Variants in CDH12 observed in about 807,000 individuals in gnomAD.
The protein encoded by CDH12 is cadherin 12.
Under a neutral mutation model 74.1 loss-of-function variants are expected in CDH12, and 41 were observed. The observed-to-expected ratio is 0.55, with a 90% CI of 0.43 to 0.72. The LOEUF (loss-of-function observed/expected upper bound fraction) is 0.72. Ranked by LOEUF, CDH12 falls within the 30% of genes least tolerant of loss-of-function variation. CDH12 has a pLI of 0.00. For missense variants in CDH12, 945 were observed against 977.2 expected, an observed-to-expected ratio of 0.97 and a Z score of 0.44; for synonymous variants, 399 against 355.0, an observed-to-expected ratio of 1.12 and a Z score of -1.39.
chr5:21,830,521 T>G (rs1437056639), intron 8 of CDH12, among the ~76,000 whole-genome samples: 2 of 152,084 alleles, frequency 1.3e-5, no homozygotes, highest in Non-Finnish European at 2.9e-5. Context: ...TATGAGTAAT[T>G]AATTTGGGGC....
At chr5:22,132,987 G>A (rs1440668096) in intron 4 of CDH12, among the ~76,000 whole-genome samples, 4 of 151,964 alleles carry the variant, frequency 2.6e-5, no homozygotes, top group East Asian at 1.9e-4. Flanking sequence ...ATTATTTCCC[G>A]AAAATAATTT....
intron 1 of CDH12, among the ~76,000 whole-genome samples, chr5:22,661,126 A>G (rs905251855): frequency 6.6e-6 from 1 of 152,186 alleles, no homozygotes; most frequent in Non-Finnish European, 1.5e-5. Flanking sequence ...AAGAAACCTT[A>G]TTTATACAAA....
intron 1 of CDH12, among the ~76,000 whole-genome samples, chr5:22,527,881 G>A (rs1376585913): frequency 6.6e-6 from 1 of 152,060 alleles, no homozygotes; most frequent in Non-Finnish European, 1.5e-5. Context: ...TCCCTGAACT[G>A]CAACACTAAA....
At chr5:21,909,160 A>G (rs1561291272) in intron 6 of CDH12, among the ~76,000 whole-genome samples, 1 of 152,184 alleles carries the variant, frequency 6.6e-6, no homozygotes. Context: ...CCTTTATGCC[A>G]TGATTCCAAT....
intron 3 of CDH12, among the ~76,000 whole-genome samples, chr5:22,244,485 A>G (rs1752847989): frequency 9.7e-6 from 1 of 102,776 alleles, no homozygotes; most frequent in African/African-American, 3.8e-5. Context: ...ACAGAACAAG[A>G]CTCTGCCTCA....
At chr5:22,085,921 G>A (rs1040684812) in intron 4 of CDH12, among the ~76,000 whole-genome samples, 19 of 152,092 alleles carry the variant, frequency 1.2e-4, no homozygotes, top group African/African-American at 3.9e-4. Flanking sequence ...TGACTCCCAG[G>A]AAAATTATTT....
chr5:21,921,758 A>G (rs148107343), intron 6 of CDH12, among the ~76,000 whole-genome samples: 16 of 152,302 alleles, frequency 1.1e-4, no homozygotes, highest in Non-Finnish European at 2.2e-4. Flanking sequence ...TGTGCATTCT[A>G]CTGACTTGAA....
intron 6 of CDH12, among the ~76,000 whole-genome samples, chr5:21,938,897 G>GA (rs1755200689): frequency 6.6e-6 from 1 of 150,602 alleles, no homozygotes; most frequent in African/African-American, 2.4e-5. Flanking sequence ...CAACCCAATT[G>GA]AAAATGCATG....
At chr5:22,170,029 G>T (rs1233114025) in intron 4 of CDH12, among the ~76,000 whole-genome samples, 1 of 151,664 alleles carries the variant, frequency 6.6e-6, no homozygotes, top group Non-Finnish European at 1.5e-5. Flanking sequence ...AATTTTATTT[G>T]CCATTACAAT....
chr5:22,513,526 G>C (rs571428595), intron 1 of CDH12, among the ~76,000 whole-genome samples: 1 of 152,132 alleles, frequency 6.6e-6, no homozygotes, highest in African/African-American at 2.4e-5. Context: ...TATCTTCTAC[G>C]TATCAAAGAA....
chr5:22,495,288 C>G (rs1747060681), intron 2 of CDH12, among the ~76,000 whole-genome samples: 1 of 152,170 alleles, frequency 6.6e-6, no homozygotes, highest in Admixed American at 6.5e-5. Flanking sequence ...GATCCTACCA[C>G]TCTTCACAGA....
intron 6 of CDH12, among the ~76,000 whole-genome samples, chr5:21,907,223 A>T (rs1753680781): frequency 6.6e-6 from 1 of 152,166 alleles, no homozygotes; most frequent in Non-Finnish European, 1.5e-5. Context: ...GGTTTAAAAA[A>T]TACGCCCAAA....
chr5:22,030,119 G>A (rs4376236), intron 5 of CDH12, among the ~76,000 whole-genome samples: 1 of 141,970 alleles, frequency 7.0e-6, no homozygotes, highest in Admixed American at 7.2e-5. Flanking sequence ...GTTGTGGGGT[G>A]GGGGGGAGGG....
intron 3 of CDH12, among the ~76,000 whole-genome samples, chr5:22,213,179 T>C (rs569261779): frequency 6.6e-6 from 1 of 152,180 alleles, no homozygotes; most frequent in East Asian, 1.9e-4. Context: ...TCAACCTTTG[T>C]CGAACTAAAA....
intron 3 of CDH12, among the ~76,000 whole-genome samples, chr5:22,255,014 A>T (rs1265972479): frequency 1.3e-5 from 2 of 151,838 alleles, no homozygotes; most frequent in Admixed American, 6.6e-5. Context: ...GTACCCATTA[A>T]TTCTTTCCTC....
At chr5:22,124,776 A>C (rs1745748632) in intron 4 of CDH12, among the ~76,000 whole-genome samples, 1 of 151,712 alleles carries the variant, frequency 6.6e-6, no homozygotes. Flanking sequence ...GGCATTTTTT[A>C]TTTTTTCCTC....
At chr5:21,828,905 T>C (rs1748836772) in intron 8 of CDH12, among the ~76,000 whole-genome samples, 1 of 93,404 alleles carries the variant, frequency 1.1e-5, no homozygotes. Context: ...TTAAATCCTA[T>C]GTCTTTTTTT....
At chr5:22,761,706 T>C (rs1265978859) in intron 1 of CDH12, among the ~76,000 whole-genome samples, 12 of 152,188 alleles carry the variant, frequency 7.9e-5, no homozygotes, top group Admixed American at 7.9e-4. Flanking sequence ...AATTTTTCTG[T>C]CAGTTTAATT....
chr5:21,845,987 C>T (rs1299689186), intron 7 of CDH12, among the ~76,000 whole-genome samples: 1 of 152,132 alleles, frequency 6.6e-6, no homozygotes, highest in African/African-American at 2.4e-5. Context: ...GAGAAAAGGG[C>T]TACCTAGGAG....
Sources: gnomAD v4.1 joint callset for allele counts (sites outside exome capture counted in the v4.1 genomes callset) on GRCh38, gnomAD v4.1.1 for gene constraint, MANE v1.5 for transcripts, NCBI Gene and HGNC (gene_info 2026-07-23, HGNC 2026-07-21) for gene names.